Variants in GNG12 observed in about 807,000 individuals in gnomAD.
GNG12 encodes the protein guanine nucleotide-binding protein G(I)/G(S)/G(O) subunit gamma-12.
For synonymous variants in GNG12, 28 were observed against 29.7 expected (o/e 0.94, Z 0.19); for missense variants, 69 against 83.8 (o/e 0.82, Z 0.69).
chr1:67,705,911 C>T (rs932031394), intron 3 of GNG12, among the ~76,000 whole-genome samples: 13 of 152,172 alleles, frequency 8.5e-5, no homozygotes, highest in African/African-American at 3.1e-4. Flanking sequence ...AATCAGCGAA[C>T]GATCACACCC....
intron 2 of GNG12, among the ~76,000 whole-genome samples, chr1:67,752,696 A>C (rs1020798372): frequency 6.6e-6 from 1 of 152,238 alleles, no homozygotes; most frequent in Admixed American, 6.5e-5. Context: ...TTTTTGTTCT[A>C]ATTGATTTCA....
chr1:67,710,365 T>C (rs1199514314), intron 2 of GNG12, among the ~76,000 whole-genome samples: 1 of 150,028 alleles, frequency 6.7e-6, no homozygotes, highest in Non-Finnish European at 1.5e-5. Context: ...GGTTTCTATG[T>C]TGCACCCTAA....
chr1:67,832,806 G>C (rs1001823242), intron 1 of GNG12, among the ~76,000 whole-genome samples: 1 of 151,566 alleles, frequency 6.6e-6, no homozygotes, highest in Non-Finnish European at 1.5e-5. Context: ...CGCTCCCGCC[G>C]GCTGGTCCCG....
intron 2 of GNG12, among the ~76,000 whole-genome samples, chr1:67,759,905 T>C (rs2100737299): frequency 6.6e-6 from 1 of 152,322 alleles, no homozygotes; most frequent in South Asian, 2.1e-4. Context: ...CCTCCAAATA[T>C]TCTAGGCTGC....
intron 3 of GNG12, among the ~76,000 whole-genome samples, 166 bp from the exon 4 acceptor site, chr1:67,705,742 T>A (rs1570470738): frequency 6.6e-6 from 1 of 152,204 alleles, no homozygotes; most frequent in East Asian, 1.9e-4. Context: ...AAGGAAATGG[T>A]ACCTTTAAAA....
chr1:67,702,187 T>C lies in GNG12; in HGVS notation c.*3264A>G, dbSNP rs907306763. 4 of 152,210 alleles carry C rather than the reference T, an allele frequency of 2.6e-5. No individual in the cohort carries two copies. The highest frequency in any genetic ancestry group is 9.7e-5 in the African/African-American group (4 of 41,444). 9.4% of individuals were successfully genotyped at this position (152,210 alleles called of 1,614,324 possible). A position where few individuals can be genotyped will look rare whatever the true frequency, so the allele number is the denominator to read the frequency against. ...AAGATTCTATTTGATTTGATGTATT[T>C]TTTCCCCATTAACAGGTCTACCATA... On this transcript the variant is annotated 3_prime_UTR_variant, in exon 4 of 4. Transcript: ENST00000370982.
At chr1:67,748,673 G>T (rs1397502549) in intron 2 of GNG12, among the ~76,000 whole-genome samples, 1 of 152,156 alleles carries the variant, frequency 6.6e-6, no homozygotes, top group African/African-American at 2.4e-5. Flanking sequence ...CAGAAACTGA[G>T]AATTAAATGT....
rs1049709494 is a variant in GNG12, at chr1:67,704,316, C to T, written c.*1135G>A. 8 of 152,012 alleles carry T rather than the reference C, an allele frequency of 5.3e-5. No individual in the cohort carries two copies. The highest frequency in any genetic ancestry group is 1.9e-4 in the African/African-American group (8 of 41,358). 9.4% of individuals were successfully genotyped at this position (152,012 alleles called of 1,614,324 possible). A position where few individuals can be genotyped will look rare whatever the true frequency, so the allele number is the denominator to read the frequency against. ...AGAGCTTAAGCATCCTGACAGCTTG[C>T]ATTTTTTTTTTAATTTTTTTTTTCC... On this transcript the variant is annotated 3_prime_UTR_variant, in exon 4 of 4. Transcript: ENST00000370982.
At chr1:67,773,116 A>T (rs1646684510) in intron 2 of GNG12, among the ~76,000 whole-genome samples, 2 of 152,180 alleles carry the variant, frequency 1.3e-5, no homozygotes, top group African/African-American at 4.8e-5. Flanking sequence ...CAACCAAAAT[A>T]CTCCTAATAA....
chr1:67,727,028 T>C (rs556861907), intron 2 of GNG12, among the ~76,000 whole-genome samples: 7 of 152,362 alleles, frequency 4.6e-5, no homozygotes, highest in Admixed American at 3.9e-4. Flanking sequence ...GTGCCTCCAT[T>C]GCTTAAATCT....
intron 1 of GNG12, among the ~76,000 whole-genome samples, chr1:67,785,977 C>A (rs1424859410): frequency 6.6e-6 from 1 of 152,090 alleles, no homozygotes; most frequent in Non-Finnish European, 1.5e-5. Flanking sequence ...TCTTGGTCAG[C>A]ATTTGGGAAA....
At chr1:67,786,693 G>T (rs1274349418) in intron 1 of GNG12, among the ~76,000 whole-genome samples, 1 of 152,050 alleles carries the variant, frequency 6.6e-6, no homozygotes, top group Non-Finnish European at 1.5e-5. Context: ...GAGGCTAAGT[G>T]GGTGGATCAC....
At chr1:67,726,553 T>C (rs1646387556) in intron 2 of GNG12, among the ~76,000 whole-genome samples, 1 of 152,196 alleles carries the variant, frequency 6.6e-6, no homozygotes, top group Admixed American at 6.5e-5. Context: ...TTGAACCCAA[T>C]GTGTGAAAGC....
chr1:67,829,187 A>AG (rs1647028765), intron 1 of GNG12, among the ~76,000 whole-genome samples: 1 of 152,210 alleles, frequency 6.6e-6, no homozygotes, highest in Non-Finnish European at 1.5e-5. Flanking sequence ...TTATGGTTTA[A>AG]AAATAATTTT....
At chr1:67,800,992 C>A (rs1269467920) in intron 1 of GNG12, among the ~76,000 whole-genome samples, 1 of 120,330 alleles carries the variant, frequency 8.3e-6, no homozygotes, top group Non-Finnish European at 1.9e-5. Context: ...TCTAGGAGAC[C>A]TTTTCGTTTG....
At chr1:67,753,784 A>G (rs969754201) in intron 2 of GNG12, among the ~76,000 whole-genome samples, 2 of 152,202 alleles carry the variant, frequency 1.3e-5, no homozygotes, top group Non-Finnish European at 2.9e-5. Context: ...CTGGCCTGAG[A>G]CTGGAAAACG....
At chr1:67,748,538 T>G (rs1646519903) in intron 2 of GNG12, among the ~76,000 whole-genome samples, 1 of 151,836 alleles carries the variant, frequency 6.6e-6, no homozygotes, top group South Asian at 2.1e-4. Flanking sequence ...GAAGAGAGGG[T>G]GGAGGAAGAA....
intron 2 of GNG12, among the ~76,000 whole-genome samples, chr1:67,721,418 A>G (rs1237857471): frequency 6.6e-6 from 1 of 152,086 alleles, no homozygotes; most frequent in East Asian, 1.9e-4. Context: ...CTCATCCCAG[A>G]TCTACTGAAT....
intron 1 of GNG12, among the ~76,000 whole-genome samples, chr1:67,829,698 T>C (rs1234031844): frequency 6.6e-6 from 1 of 152,210 alleles, no homozygotes; most frequent in Non-Finnish European, 1.5e-5. Context: ...CACCTAGAAG[T>C]ATGAGCCAGA....
Sources: allele counts gnomAD v4.1 joint callset (sites outside exome capture counted in the v4.1 genomes callset), GRCh38; gene constraint gnomAD v4.1.1; transcripts MANE v1.5; gene names NCBI Gene and HGNC (gene_info 2026-07-23, HGNC 2026-07-21).